LRIG3: variants seen among roughly 807,000 people sequenced by gnomAD.
LRIG3 encodes leucine rich repeats and immunoglobulin like domains 3, also known as leucine-rich repeats and immunoglobulin-like domains protein 3.
In LRIG3, 76 loss-of-function variants were observed where a neutral mutation model predicts 114.5. The observed-to-expected ratio is 0.66, with a 90% confidence interval of 0.55 to 0.80. The LOEUF is 0.80. Among genes scored for constraint, LRIG3 ranks in the 30% least tolerant of loss-of-function variants. The pLI, the probability that LRIG3 is intolerant of heterozygous loss-of-function variation, is 0.00. For synonymous variants in LRIG3, 512 were observed against 519.8 expected, an observed-to-expected ratio of 0.98 and a Z score of 0.20; for missense variants, 1,239 against 1,382.8, an observed-to-expected ratio of 0.90 and a Z score of 1.65.
chr12:58,886,921 T>C, intron 8 of LRIG3, 31 bp from the exon 9 acceptor site: 2 of 1,581,522 alleles, frequency 1.3e-6, no homozygotes, highest in Non-Finnish European at 1.7e-6. Context: ...CCCTTTAGAG[T>C]GATAAGCTCA....
intron 1 of LRIG3, among the ~76,000 whole-genome samples, chr12:58,918,185 CATTTAAGGAATGTGGGCTAGT>C (rs1872546883): frequency 6.6e-6 from 1 of 152,172 alleles, no homozygotes; most frequent in South Asian, 2.1e-4. Flanking sequence ...TTTTCACATA[CATTTAAGGAATGTGGGCTAGT>C]ATTGAGACAA....
intron 13 of LRIG3, among the ~76,000 whole-genome samples, 184 bp from the exon 14 acceptor site, chr12:58,879,289 G>T (rs570883468): frequency 1.3e-5 from 2 of 152,308 alleles, no homozygotes; most frequent in East Asian, 3.9e-4. Flanking sequence ...TAAAAGGCTT[G>T]CTCAAGGTTA....
chr12:58,878,868 T>C lies in LRIG3; in HGVS notation c.2039A>G (p.Asn680Ser). 6.2e-7 allele frequency: 1 copy of C among 1,614,190 alleles called. No individual in the cohort carries two copies. Among genetic ancestry groups the C allele is most frequent in the Non-Finnish European group, 8.5e-7 (1 of 1,180,026 alleles). ...ATTTGCTGAAATACTTCCTGCACTG[T>C]TCTGAGCTGTGCAGCTGTATACCCC... ...DIGVYSCTAQ[N>S]SAGSISANAT... The change falls in exon 14 of 19, where the codon AAC (asparagine) becomes AGC (serine). Residue 680 changes from asparagine to serine, a missense_variant. By Grantham distance (46) the Asn-to-Ser change is conservative. Transcript: ENST00000320743.
chr12:58,914,841 A>T (rs1479152446), intron 1 of LRIG3, among the ~76,000 whole-genome samples: 1 of 152,222 alleles, frequency 6.6e-6, no homozygotes, highest in Non-Finnish European at 1.5e-5. Context: ...CATTTAAAGC[A>T]TTATTTTGTG....
chr12:58,874,682 C>T, intron 16 of LRIG3, 109 bp from the exon 17 acceptor site: 7 of 1,425,068 alleles, frequency 4.9e-6, no homozygotes, highest in African/African-American at 1.4e-5. Context: ...ACTAGAACAT[C>T]ATATAGACAA....
chr12:58,915,303 G>C (rs569336470), intron 1 of LRIG3, among the ~76,000 whole-genome samples: 1 of 152,188 alleles, frequency 6.6e-6, no homozygotes, highest in Non-Finnish European at 1.5e-5. Context: ...CCACTGAAAG[G>C]GTTATCCAAC....
chr12:58,916,753 C>T (rs1436517085), intron 1 of LRIG3, among the ~76,000 whole-genome samples: 1 of 152,196 alleles, frequency 6.6e-6, no homozygotes. Flanking sequence ...CTGGCCAACA[C>T]TTGAAAGTCA....
rs373016355 is a variant in LRIG3 at position 58,877,524 on chromosome 12, T to C, written c.2412A>G (p.Gly804=). The C allele has an allele frequency of 3.3e-5, 53 of 1,614,044 alleles. No homozygotes were observed. The highest frequency in any genetic ancestry group is 4.2e-5 in the Non-Finnish European group (49 of 1,180,038). The stretch of plus-strand genomic sequence containing the variant: ...TGATCACGACACCCACAGTGGCCCA[T>C]CCGTCATCGTCTAACGATGGGGCTG... ...QMTAPSLDDD[G]WATVGVVIIA... Residue 804 remains glycine, a synonymous_variant, in exon 15 of 19, where the codon GGA becomes GGG. Transcript: ENST00000320743.
chr12:58,875,321 C>T (rs1000219930), intron 16 of LRIG3, among the ~76,000 whole-genome samples: 9 of 151,564 alleles, frequency 5.9e-5, no homozygotes, highest in Middle Eastern at 3.2e-3. Flanking sequence ...TGCCTCTAAA[C>T]GGGTCTAACC....
rs1030833758 is a variant in LRIG3 at position 58,920,029 on chromosome 12, G to A, written c.207C>T (p.Pro69=). 5.2e-6 allele frequency: 8 copies of A among 1,549,358 alleles called. No homozygotes were observed. Among genetic ancestry groups the A allele is most frequent in the Non-Finnish European group, 5.2e-6 (6 of 1,146,946 alleles). ...GAGCGACCCAGGACGGGAGTGGCTC[G>A]GGAAGACGCGCTAGCCGCTTACGAC... ...DCSRKRLARL[P]EPLPSWVARL... is the part of the protein sequence containing the mutation. The change falls in exon 1 of 19, where the codon CCC becomes CCT. Residue 69 remains proline, a synonymous_variant. Transcript: ENST00000320743.
intron 15 of LRIG3, among the ~76,000 whole-genome samples, chr12:58,877,188 C>T (rs575894105): frequency 2.0e-5 from 3 of 152,168 alleles, no homozygotes; most frequent in Non-Finnish European, 4.4e-5. Flanking sequence ...CCACAGGATA[C>T]CCTGATGTCA....
At chr12:58,888,705 A>G (rs1326976576) in intron 6 of LRIG3, 114 bp downstream of exon 6, 1 of 1,417,164 alleles carries the variant, frequency 7.1e-7, no homozygotes, top group Non-Finnish European at 9.6e-7. Flanking sequence ...ACTTATAAAT[A>G]AGATTGTGGA....
Position 58,886,004 on chromosome 12 carries a change from A to G in LRIG3, c.1173-102T>C, listed in dbSNP as rs1871266086. The G allele has an allele frequency of 7.6e-6, 4 of 525,324 alleles. No homozygotes were observed. The South Asian group carries it at 9.4e-5, about 12-fold the overall frequency. 32.5% of individuals were successfully genotyped at this position (525,324 alleles called of 1,614,324 possible). ...TTTTAAATTATGTGTGAGCAATTCC[A>G]TTTTCTTCAATTAAACAATATATCC... On this transcript the variant is annotated intron_variant, in intron 9 of 18. Coordinates refer to ENST00000320743, the MANE Select transcript of LRIG3 (RefSeq NM_153377.5).
chr12:58,878,107 G>C (rs541215054), intron 14 of LRIG3, among the ~76,000 whole-genome samples: 1 of 151,954 alleles, frequency 6.6e-6, no homozygotes, highest in African/African-American at 2.4e-5. Flanking sequence ...TGCAAAAGTC[G>C]GGAAGCTGGT....
chr12:58,878,712 G>A, intron 14 of LRIG3, 112 bp downstream of exon 14: 1 of 1,233,620 alleles, frequency 8.1e-7, no homozygotes. Context: ...AAAAGGCAAT[G>A]CCCCATACAT....
At chr12:58,890,526 G>A in intron 4 of LRIG3, 139 bp downstream of exon 4, 3 of 769,700 alleles carry the variant, frequency 3.9e-6, no homozygotes, top group Non-Finnish European at 5.7e-6. Flanking sequence ...GGTCATTCGA[G>A]CTTACAGCAA....
intron 1 of LRIG3, among the ~76,000 whole-genome samples, chr12:58,915,668 C>CAGTCTTTAAACTTTTAT (rs1872453887): frequency 6.6e-6 from 1 of 152,142 alleles, no homozygotes; most frequent in Non-Finnish European, 1.5e-5. Flanking sequence ...AAATCTGGCA[C>CAGTCTTTAAACTTTTAT]AGTCTTTAAA....
At chr12:58,887,997 C>T (rs1038315330) in intron 7 of LRIG3, 65 bp from the exon 8 acceptor site, 176 of 1,479,266 alleles carry the variant, frequency 1.2e-4, no homozygotes, top group South Asian at 2.4e-4. Flanking sequence ...ATTTGTTTTC[C>T]AAAAGACAGG....
At position 58,872,747 on chromosome 12, in the gene LRIG3, C is replaced by A; in HGVS notation, c.3185G>T (p.Cys1062Phe). Residue 1062 changes from cysteine to phenylalanine, a missense_variant, in exon 19 of 19, where the codon TGT becomes TTT. Physicochemically the swap from Cys to Phe is radical, Grantham distance 205. Coordinates refer to ENST00000320743, the MANE Select transcript of LRIG3 (RefSeq NM_153377.5). ...AYSSFGQPSD[C>F]QPRAFYLKAH... is the part of the protein sequence containing the mutation. ...TTTCAAATAAAAGGCTCTTGGCTGA[C>A]AATCTGATGGCTGTCCAAAGCTTGA... 6.8e-6 allele frequency: 11 copies of A among 1,614,072 alleles called. No homozygotes were observed. Among genetic ancestry groups the A allele is most frequent in the Non-Finnish European group, 9.3e-6 (11 of 1,179,972 alleles).
Sources: allele counts gnomAD v4.1 joint callset (sites outside exome capture counted in the v4.1 genomes callset), GRCh38; gene constraint gnomAD v4.1.1; transcripts MANE v1.5; gene names NCBI Gene and HGNC (gene_info 2026-07-23, HGNC 2026-07-21).